The following ATXN7L1 variants were observed in gnomAD, a reference collection of about 807,000 sequenced individuals.
The protein encoded by ATXN7L1 is ataxin 7 like 1.
In ATXN7L1, 15 loss-of-function variants were observed where a neutral mutation model predicts 70.8. The observed-to-expected ratio is 0.21, with a 90% CI of 0.14 to 0.33. The LOEUF is 0.33. Ranked by LOEUF, ATXN7L1 falls within the 10% of genes least tolerant of loss-of-function variation. ATXN7L1 has a pLI of 1.00. For missense variants in ATXN7L1, 975 were observed against 1,097.1 expected (o/e 0.89, Z 1.57); for synonymous variants, 440 against 445.1 (o/e 0.99, Z 0.14).
At chr7:105,677,795 G>A (rs1184219696) in intron 3 of ATXN7L1, among the ~76,000 whole-genome samples, 1 of 152,172 alleles carries the variant, frequency 6.6e-6, no homozygotes, top group Non-Finnish European at 1.5e-5. Context: ...CACTGTTTAA[G>A]GACCACAGGC....
chr7:105,634,421 C>T (rs1198002085), intron 7 of ATXN7L1, among the ~76,000 whole-genome samples: 2 of 147,036 alleles, frequency 1.4e-5, no homozygotes, highest in Admixed American at 1.4e-4. Context: ...ACCATTTGAC[C>T]TTAATTCAGT....
intron 2 of ATXN7L1, among the ~76,000 whole-genome samples, chr7:105,842,359 C>T (rs1223546256): frequency 2.6e-5 from 4 of 152,126 alleles, no homozygotes; most frequent in Non-Finnish European, 2.9e-5. Flanking sequence ...AGAGAAACCC[C>T]GTACTTCCCA....
chr7:105,671,572 T>C (rs1049783441), intron 3 of ATXN7L1, among the ~76,000 whole-genome samples: 1 of 144,330 alleles, frequency 6.9e-6, no homozygotes, highest in Non-Finnish European at 1.5e-5. Context: ...CTCTCACCCG[T>C]TCTGTCCTTT....
At chr7:105,750,629 C>T (rs1182619624) in intron 3 of ATXN7L1, among the ~76,000 whole-genome samples, 1 of 148,106 alleles carries the variant, frequency 6.8e-6, no homozygotes, top group African/African-American at 2.4e-5. Context: ...TGGTGAAACC[C>T]CGTCTCTACT....
At chr7:105,607,920 C>A in intron 11 of ATXN7L1, 30 bp from the exon 12 acceptor site, 1 of 1,543,288 alleles carries the variant, frequency 6.5e-7, no homozygotes, top group Non-Finnish European at 8.8e-7. Context: ...AAACTTGTTT[C>A]AAAACCATAC....
At chr7:105,706,224 C>T (rs1172890332) in intron 3 of ATXN7L1, among the ~76,000 whole-genome samples, 7 of 150,482 alleles carry the variant, frequency 4.7e-5, no homozygotes, top group African/African-American at 1.5e-4. Context: ...GATGGAGTAT[C>T]GCCCTGTCGC....
chr7:105,868,732 T>C (rs1474593592), intron 2 of ATXN7L1, among the ~76,000 whole-genome samples: 3 of 152,186 alleles, frequency 2.0e-5, no homozygotes, highest in Non-Finnish European at 4.4e-5. Context: ...TTTTGTAACA[T>C]GAACATTATT....
intron 9 of ATXN7L1, among the ~76,000 whole-genome samples, chr7:105,619,140 G>GTTTTTTCTTTTTTTTTTTTTTT: frequency 2.0e-5 from 1 of 49,846 alleles, no homozygotes; most frequent in Non-Finnish European, 3.3e-5. Flanking sequence ...GAAATCTTTA[G>GTTTTTTCTTTTTTTTTTTTTTT]TTTTTTTTTT....
intron 3 of ATXN7L1, among the ~76,000 whole-genome samples, chr7:105,742,053 G>C (rs1450391338): frequency 1.3e-5 from 2 of 152,208 alleles, no homozygotes; most frequent in Non-Finnish European, 2.9e-5. Context: ...GTGGCACTTT[G>C]TTATGGTAGC....
intron 3 of ATXN7L1, among the ~76,000 whole-genome samples, chr7:105,740,759 G>T (rs1797901275): frequency 7.0e-6 from 1 of 142,414 alleles, no homozygotes; most frequent in African/African-American, 2.7e-5. Flanking sequence ...AGTCAAAGGT[G>T]GCTCCATTCA....
intron 2 of ATXN7L1, among the ~76,000 whole-genome samples, chr7:105,805,245 A>C (rs1272109388): frequency 6.6e-6 from 1 of 152,238 alleles, no homozygotes; most frequent in Non-Finnish European, 1.5e-5. Context: ...TAAGGTGCCA[A>C]GGGCTTTCTC....
chr7:105,642,715 C>T (rs977993114), intron 5 of ATXN7L1, 123 bp downstream of exon 5: 10 of 1,237,158 alleles, frequency 8.1e-6, no homozygotes, highest in Non-Finnish European at 1.1e-5. Context: ...TGCAGGTAAA[C>T]TCTGCATCCC....
At chr7:105,808,203 G>A (rs1471871163) in intron 2 of ATXN7L1, among the ~76,000 whole-genome samples, 1 of 152,212 alleles carries the variant, frequency 6.6e-6, no homozygotes, top group Non-Finnish European at 1.5e-5. Context: ...GGGACAAGGT[G>A]ACAGTGGCAT....
At chr7:105,791,498 G>A (rs1416537078) in intron 2 of ATXN7L1, among the ~76,000 whole-genome samples, 2 of 152,178 alleles carry the variant, frequency 1.3e-5, no homozygotes, top group Admixed American at 6.5e-5. Context: ...CCGCGGAGAT[G>A]ACCCTTCTTG....
rs371940751 is a variant in ATXN7L1 at position 105,643,059 on chromosome 7, T to C, written c.641A>G (p.Asn214Ser). 1.5e-4 allele frequency: 226 copies of C among 1,549,608 alleles called. 1 individual carries two copies. Among genetic ancestry groups the C allele is most frequent in the Non-Finnish European group, 1.8e-4 (210 of 1,145,370 alleles). The change falls in exon 5 of 12, where the codon AAT becomes AGT. Residue 214 changes from asparagine to serine, a missense_variant. Transcript: ENST00000419735. ...IPNLVKADGANVKMNSTTTTA... is the reference protein window; with the variant it reads ...IPNLVKADGASVKMNSTTTTA... The stretch of plus-strand genomic sequence containing the variant: ...AGTGGTTGTGGAGTTCATTTTGACA[T>C]TGGCACCATCTGCCTTCACTAGGTT...
chr7:105,875,627 A>AACCC (rs1819049860), intron 2 of ATXN7L1, among the ~76,000 whole-genome samples, 185 bp downstream of exon 2: 1 of 94,778 alleles, frequency 1.1e-5, no homozygotes, highest in African/African-American at 4.0e-5. Context: ...ACCCCCCTTT[A>AACCC]CCCCCCCCCC....
intron 7 of ATXN7L1, among the ~76,000 whole-genome samples, chr7:105,627,524 C>T (rs1562917339): frequency 7.0e-6 from 1 of 143,258 alleles, no homozygotes. Context: ...GTGTGAGCCA[C>T]TGTGCTAGGC....
intron 2 of ATXN7L1, among the ~76,000 whole-genome samples, chr7:105,866,582 C>T (rs115069257): frequency 0.01 from 1,571 of 152,266 alleles, 22 homozygotes; most frequent in African/African-American, 0.036. Flanking sequence ...TTAGTTCAAG[C>T]GCCTCAGGGT....
At chr7:105,766,690 G>C (rs1329258379) in intron 3 of ATXN7L1, among the ~76,000 whole-genome samples, 1 of 152,122 alleles carries the variant, frequency 6.6e-6, no homozygotes, top group Non-Finnish European at 1.5e-5. Context: ...GAAACCGCTG[G>C]GATTAGACGA....
Sources: gnomAD v4.1 joint callset for allele counts (sites outside exome capture counted in the v4.1 genomes callset) on GRCh38, gnomAD v4.1.1 for gene constraint, MANE v1.5 for transcripts, NCBI Gene and HGNC (gene_info 2026-07-23, HGNC 2026-07-21) for gene names.